The following C6orf118 variants were observed in gnomAD, a reference collection of about 807,000 sequenced individuals.
The protein encoded by C6orf118 is uncharacterized protein C6orf118.
In C6orf118, 50 loss-of-function variants were observed where a neutral mutation model predicts 50.2. The observed-to-expected ratio is 1.00, with a 90% CI of 0.79 to 1.26. The LOEUF (loss-of-function observed/expected upper bound fraction) is 1.26. C6orf118 is among the 50% of genes most tolerant of loss of function. The pLI, the probability that C6orf118 is intolerant of heterozygous loss-of-function variation, is 0.00. For missense variants in C6orf118, 641 were observed against 578.7 expected, an observed-to-expected ratio of 1.11 and a Z score of -1.10; for synonymous variants, 239 against 230.9, an observed-to-expected ratio of 1.03 and a Z score of -0.32.
chr6:165,301,253 C>T (rs914603707), intron 2 of C6orf118, among the ~76,000 whole-genome samples: 1 of 152,098 alleles, frequency 6.6e-6, no homozygotes. Flanking sequence ...ACCGTCGTGG[C>T]TGTCCCTGAC....
At position 165,301,583 on chromosome 6, in the gene C6orf118, T is replaced by C. The variant is rs898878802; in HGVS notation, c.739A>G (p.Arg247Gly). The change falls in exon 2 of 9, where the codon AGA becomes GGA. Residue 247 changes from arginine (R) to glycine (G), a missense_variant. Transcript: ENST00000230301. ...TGSKAAAGHERKLQQELQKIC... is the reference protein window; with the variant it reads ...TGSKAAAGHEGKLQQELQKIC... Reference sequence around the variant, plus strand: ...GCCCTCCTCACCTGCTGCAGCTTTCTCTCGTGGCCCGCGGCCGCCTTGCTC... The same window carrying C: ...GCCCTCCTCACCTGCTGCAGCTTTCCCTCGTGGCCCGCGGCCGCCTTGCTC... 1.5e-5 allele frequency: 24 copies of C among 1,612,230 alleles called. No individual in the cohort carries two copies. Among genetic ancestry groups the C allele is most frequent in the Non-Finnish European group, 2.0e-5 (24 of 1,179,172 alleles).
chr6:165,289,220 T>C (rs1418680917), intron 7 of C6orf118, among the ~76,000 whole-genome samples: 2 of 151,170 alleles, frequency 1.3e-5, no homozygotes, highest in Non-Finnish European at 2.9e-5. Flanking sequence ...TCCGAACATA[T>C]GATTGTAAAA....
intron 1 of C6orf118, 65 bp downstream of exon 1, chr6:165,309,497 A>C: frequency 2.0e-6 from 3 of 1,511,874 alleles, no homozygotes; most frequent in Non-Finnish European, 2.8e-6. Flanking sequence ...TCAGAAGCCC[A>C]TCCCTCCACA....
intron 8 of C6orf118, chr6:165,281,400 A>T: frequency 2.8e-6 from 2 of 720,184 alleles, no homozygotes; most frequent in Non-Finnish European, 3.9e-6. Flanking sequence ...AGGTCTATCT[A>T]GTCTAATCTA....
rs200182433 is a variant in C6orf118, at chr6:165,298,054, C to T, written c.984G>A (p.Thr328=). 5.6e-5 allele frequency: 90 copies of T among 1,612,946 alleles called. No individual in the cohort carries two copies. The highest frequency in any genetic ancestry group is 6.7e-5 in the African/African-American group (5 of 75,002). The change falls in exon 5 of 9, where the codon ACG becomes ACA. Residue 328 remains threonine, a synonymous_variant. Transcript: ENST00000230301. ...LKALGQRPVK[T]ADMDLAREEL... ...CTTCCCTGGCGAGATCCATGTCCGCCGTCTTCACCGGCCTCTGCCCCAGCG... is the reference window on the plus strand; with the variant it reads ...CTTCCCTGGCGAGATCCATGTCCGCTGTCTTCACCGGCCTCTGCCCCAGCG...
chr6:165,283,497 T>C (rs1779802247), intron 7 of C6orf118, among the ~76,000 whole-genome samples: 1 of 152,200 alleles, frequency 6.6e-6, no homozygotes, highest in Non-Finnish European at 1.5e-5. Flanking sequence ...TCAGAGTGCT[T>C]CGTTAAGCAC....
At chr6:165,301,431 G>T in intron 2 of C6orf118, 138 bp downstream of exon 2, 1 of 1,237,802 alleles carries the variant, frequency 8.1e-7, no homozygotes, top group Non-Finnish European at 1.1e-6. Flanking sequence ...GGTCTGCACC[G>T]AGAACACTGC....
At chr6:165,302,445 T>G in intron 1 of C6orf118, 149 bp from the exon 2 acceptor site, 6 of 1,048,878 alleles carry the variant, frequency 5.7e-6, no homozygotes, top group Non-Finnish European at 8.1e-6. Flanking sequence ...CCCTTAAAAG[T>G]CAAAGGCACC....
chr6:165,282,323 C>T (rs1333500), intron 7 of C6orf118, among the ~76,000 whole-genome samples: 151,659 of 152,276 alleles, frequency 1, 75,528 homozygotes, highest in Middle Eastern at 1. Context: ...TTCAGGATAA[C>T]TGTGAACAAA....
At chr6:165,307,395 CA>C (rs66539408) in intron 1 of C6orf118, among the ~76,000 whole-genome samples, 6,072 of 151,802 alleles carry the variant, frequency 0.04, 421 homozygotes, top group African/African-American at 0.14. Flanking sequence ...CTTGTCTCTA[CA>C]AAAAATACAG....
rs76234374 is a variant in C6orf118 at position 165,308,533 on chromosome 6, A to T, written c.25+1029T>A. 7.4e-3 allele frequency among the ~76,000 whole-genome samples: 1,130 copies of T among 152,234 alleles called. 10 individuals are homozygous for T. The highest frequency in any genetic ancestry group is 0.025 in the African/African-American group (1,047 of 41,534). ...GGGCCTGGAAGGGGTTCTTCCCCAG[A>T]TCCCCTAGAAAGCAGCAAAACTGAC... On this transcript the variant is annotated intron_variant, in intron 1 of 8. Coordinates refer to ENST00000230301, the MANE Select transcript of C6orf118 (RefSeq NM_144980.4).
chr6:165,306,102 A>C (rs1348874466), intron 1 of C6orf118, among the ~76,000 whole-genome samples: 1 of 69,190 alleles, frequency 1.4e-5, no homozygotes, highest in Admixed American at 1.7e-4. Context: ...AGACTGGATT[A>C]AGAAAATGTG....
At chr6:165,297,700 C>T (rs979973462) in intron 5 of C6orf118, among the ~76,000 whole-genome samples, 2 of 152,152 alleles carry the variant, frequency 1.3e-5, no homozygotes, top group Non-Finnish European at 2.9e-5. Context: ...GCAGCCCTCT[C>T]GCCTATCAGT....
chr6:165,282,366 C>G (rs1779757478), intron 7 of C6orf118, among the ~76,000 whole-genome samples: 1 of 152,080 alleles, frequency 6.6e-6, no homozygotes, highest in Admixed American at 6.6e-5. Flanking sequence ...AAGACTTGCT[C>G]TTTCAGATAT....
chr6:165,299,384 T>C (rs866202556), intron 4 of C6orf118, 59 bp downstream of exon 4: 3 of 1,497,948 alleles, frequency 2.0e-6, no homozygotes, highest in Non-Finnish European at 2.8e-6. Flanking sequence ...CCACTGCTCA[T>C]GAAATATGAA....
intron 7 of C6orf118, among the ~76,000 whole-genome samples, chr6:165,289,292 T>A (rs1780025714): frequency 6.6e-6 from 1 of 152,214 alleles, no homozygotes; most frequent in South Asian, 2.1e-4. Context: ...ATATGCTCTA[T>A]AATTCTGCTA....
chr6:165,293,401 A>G lies in C6orf118; in HGVS notation c.1120+12T>C. 1 of 1,613,378 alleles carries G rather than the reference A, an allele frequency of 6.2e-7. No homozygotes were observed. Among genetic ancestry groups the G allele is most frequent in the African/African-American group, 1.3e-5 (1 of 75,028 alleles). On this transcript the variant is annotated intron_variant, in intron 6 of 8. Coordinates refer to ENST00000230301, the MANE Select transcript of C6orf118 (RefSeq NM_144980.4). ...AAGCACCCATAAGGAAGGACATCAC[A>G]CAGACACCTGCCTGATCGTTCCTTT...
rs144386984 is a variant in C6orf118 at position 165,299,520 on chromosome 6, A to C, written c.877-18T>G. 3.7e-6 allele frequency: 6 copies of C among 1,612,626 alleles called. No homozygotes were observed. Among genetic ancestry groups the C allele is most frequent in the Non-Finnish European group, 5.1e-6 (6 of 1,178,750 alleles). On this transcript the variant is annotated intron_variant, in intron 3 of 8. Coordinates refer to ENST00000230301, the MANE Select transcript of C6orf118 (RefSeq NM_144980.4). Reference sequence around the variant, plus strand: ...TATTCATCCTGTACAGAAACAAACAAAAGTCCACTGGCCATGTATGAGGAG... The same window carrying C: ...TATTCATCCTGTACAGAAACAAACACAAGTCCACTGGCCATGTATGAGGAG...
At chr6:165,309,237 C>G (rs1780852686) in intron 1 of C6orf118, among the ~76,000 whole-genome samples, 1 of 152,176 alleles carries the variant, frequency 6.6e-6, no homozygotes, top group East Asian at 1.9e-4. Context: ...TGCAACCTGC[C>G]GCTTCGTCCC....
Sources: allele counts gnomAD v4.1 joint callset (sites outside exome capture counted in the v4.1 genomes callset), GRCh38; gene constraint gnomAD v4.1.1; transcripts MANE v1.5; gene names NCBI Gene and HGNC (gene_info 2026-07-23, HGNC 2026-07-21).